Variants in CACNA1D observed in about 807,000 individuals in gnomAD.
CACNA1D encodes calcium voltage-gated channel subunit alpha1 D.
In CACNA1D, 55 loss-of-function variants were observed where a neutral mutation model predicts 257.1. The ratio of observed to expected loss-of-function variants is 0.21; its 90% CI spans 0.17 to 0.27. CACNA1D has a LOEUF of 0.27. Ranked by LOEUF, CACNA1D falls within the 10% of genes least tolerant of loss-of-function variation. The pLI is 1.00. For synonymous variants in CACNA1D, 980 were observed against 1,014.9 expected (o/e 0.97, Z 0.65); for missense variants, 1,876 against 2,784.0 (o/e 0.67, Z 7.34).
intron 3 of CACNA1D, among the ~76,000 whole-genome samples, chr3:53,647,052 A>G (rs1006573358): frequency 6.6e-6 from 1 of 151,706 alleles, no homozygotes; most frequent in Non-Finnish European, 1.5e-5. Context: ...TGTTTAAAGA[A>G]GACACATCAG....
At chr3:53,745,522 T>G (rs111465505) in intron 23 of CACNA1D, 102 bp from the exon 24 acceptor site, 7 of 745,106 alleles carry the variant, frequency 9.4e-6, no homozygotes, top group African/African-American at 6.9e-5. Context: ...ATTAGAGGTG[T>G]GAGCCACTGT....
At chr3:53,761,939 C>T in intron 29 of CACNA1D, 59 bp from the exon 30 acceptor site, 1 of 1,207,212 alleles carries the variant, frequency 8.3e-7, no homozygotes, top group South Asian at 1.2e-5. Flanking sequence ...CCTATACGGT[C>T]CGTGTGGTGG....
At chr3:53,519,614 T>A (rs1218224667) in intron 3 of CACNA1D, among the ~76,000 whole-genome samples, 1 of 152,184 alleles carries the variant, frequency 6.6e-6, no homozygotes, top group East Asian at 1.9e-4. Context: ...TCATGGCATG[T>A]TCATACTTTT....
At chr3:53,572,578 T>G (rs1019966149) in intron 3 of CACNA1D, among the ~76,000 whole-genome samples, 3 of 152,074 alleles carry the variant, frequency 2.0e-5, no homozygotes, top group African/African-American at 7.2e-5. Flanking sequence ...TTTTGTATTT[T>G]TTATAGAGAC....
At chr3:53,776,578 C>T (rs766360856) in intron 35 of CACNA1D, 25 bp from the exon 36 acceptor site, 48 of 1,613,928 alleles carry the variant, frequency 3.0e-5, no homozygotes, top group Non-Finnish European at 3.9e-5. Flanking sequence ...AGCTGAAGTT[C>T]TTCCTTTCCT....
intron 23 of CACNA1D, 152 bp downstream of exon 23, chr3:53,744,979 C>T: frequency 3.3e-6 from 2 of 597,544 alleles, no homozygotes; most frequent in Non-Finnish European, 6.1e-6. Flanking sequence ...GTGCCAAGTG[C>T]TAATGGCATT....
intron 8 of CACNA1D, among the ~76,000 whole-genome samples, chr3:53,677,704 G>C (rs1349143507): frequency 6.6e-6 from 1 of 152,184 alleles, no homozygotes; most frequent in Non-Finnish European, 1.5e-5. Context: ...GTATTACGCA[G>C]GTCTAAGTCA....
intron 8 of CACNA1D, among the ~76,000 whole-genome samples, chr3:53,687,292 T>A (rs1288216801): frequency 6.6e-6 from 1 of 151,978 alleles, no homozygotes; most frequent in East Asian, 1.9e-4. Flanking sequence ...TAATATATAA[T>A]TGCAAATGAC....
chr3:53,572,544 C>T (rs943398889), intron 3 of CACNA1D, among the ~76,000 whole-genome samples: 7 of 152,042 alleles, frequency 4.6e-5, no homozygotes, highest in African/African-American at 1.7e-4. Context: ...GGACTACAGG[C>T]ATGTGCCACC....
intron 3 of CACNA1D, among the ~76,000 whole-genome samples, chr3:53,634,690 A>G (rs1242991616): frequency 6.6e-6 from 1 of 152,202 alleles, no homozygotes; most frequent in Non-Finnish European, 1.5e-5. Flanking sequence ...CACCACATTC[A>G]GTGACAGCAG....
At chr3:53,696,296 C>G (rs2094572689) in intron 8 of CACNA1D, among the ~76,000 whole-genome samples, 2 of 152,252 alleles carry the variant, frequency 1.3e-5, no homozygotes, top group African/African-American at 4.8e-5. Flanking sequence ...CCTCATCCTC[C>G]TGGTGTCTAC....
chr3:53,570,762 A>C (rs1432959453), intron 3 of CACNA1D, among the ~76,000 whole-genome samples: 1 of 152,270 alleles, frequency 6.6e-6, no homozygotes, highest in Non-Finnish European at 1.5e-5. Context: ...ATCACTCTGC[A>C]GTATGTGGTA....
chr3:53,670,828 C>A (rs961284494), intron 7 of CACNA1D, among the ~76,000 whole-genome samples: 11 of 152,228 alleles, frequency 7.2e-5, no homozygotes, highest in African/African-American at 2.6e-4. Flanking sequence ...CCCAAGCAGT[C>A]TCTATTTTCA....
intron 27 of CACNA1D, among the ~76,000 whole-genome samples, chr3:53,750,164 T>C (rs938421180): frequency 1.1e-4 from 17 of 152,170 alleles, no homozygotes; most frequent in African/African-American, 3.1e-4. Context: ...GCCAGTCTGG[T>C]AGAAGTAGGA....
chr3:53,727,161 G>A (rs576535588), intron 15 of CACNA1D, among the ~76,000 whole-genome samples, 162 bp downstream of exon 15: 2 of 152,296 alleles, frequency 1.3e-5, no homozygotes, highest in African/African-American at 4.8e-5. Flanking sequence ...CATGCTGCTG[G>A]GGGACAGCGT....
chr3:53,495,347 G>A lies in CACNA1D; in HGVS notation c.67+114G>A. 1 of 1,264,922 alleles carries A rather than the reference G, an allele frequency of 7.9e-7. No homozygotes were observed. The highest frequency in any genetic ancestry group is 1.2e-6 in the Non-Finnish European group (1 of 867,484). 78.4% of individuals were successfully genotyped at this position (1,264,922 alleles called of 1,614,324 possible). On this transcript the variant is annotated intron_variant, in intron 1 of 47. Transcript: ENST00000350061. This position sits in a 1 kb window ranked among gnomAD's most constrained non-coding sequence, Gnocchi z 5.1. ...GGTTGAGGGGGTTGGAGAGGGTGCT[G>A]CCAGCTCGGTGTCGTCTACACAGAG...
At chr3:53,533,361 C>T (rs902537496) in intron 3 of CACNA1D, among the ~76,000 whole-genome samples, 5 of 152,068 alleles carry the variant, frequency 3.3e-5, no homozygotes, top group East Asian at 1.9e-4. Flanking sequence ...GAGGGCCATT[C>T]GGCAAATGGG....
chr3:53,556,215 G>A (rs144394165), intron 3 of CACNA1D, among the ~76,000 whole-genome samples: 79 of 152,258 alleles, frequency 5.2e-4, no homozygotes, highest in African/African-American at 1.8e-3. Context: ...CCAGTTTCTG[G>A]TGATTATAAA....
intron 3 of CACNA1D, among the ~76,000 whole-genome samples, chr3:53,504,262 A>G (rs968087753): frequency 7.0e-6 from 1 of 143,214 alleles, no homozygotes; most frequent in Admixed American, 7.4e-5. Context: ...TCTTTGCCTG[A>G]TAGCTCCATG....
Sources: gnomAD v4.1 joint callset for allele counts (sites outside exome capture counted in the v4.1 genomes callset) on GRCh38, gnomAD v4.1.1 for gene constraint, Gnocchi (gnomAD v3.1) non-coding constraint, MANE v1.5 for transcripts, NCBI Gene and HGNC (gene_info 2026-07-23, HGNC 2026-07-21) for gene names.